The following PHF12 variants were observed in gnomAD, a reference collection of about 807,000 sequenced individuals.
PHF12 encodes the protein PHD finger protein 12.
A neutral mutation model predicts 99.8 loss-of-function variants in PHF12; 6 were observed. The observed-to-expected ratio is 0.06, with a 90% CI of 0.03 to 0.12. The LOEUF (loss-of-function observed/expected upper bound fraction) is 0.12. PHF12 is among the 10% of genes least tolerant of loss of function. The pLI is 1.00. For missense variants in PHF12, 954 were observed against 1,300.1 expected (o/e 0.73, Z 4.09); for synonymous variants, 480 against 514.9 (o/e 0.93, Z 0.92).
intron 13 of PHF12, 33 bp downstream of exon 13, chr17:28,907,557 A>G (rs191375479): frequency 5.0e-4 from 799 of 1,609,166 alleles, no homozygotes; most frequent in Admixed American, 1.4e-3. Context: ...TCAGGTTGGG[A>G]AAGCTCCCTC....
Position 28,906,634 on chromosome 17 carries a change from GA to G in PHF12, c.2681-118del. 7.8e-7 allele frequency: 1 copy of G among 1,286,010 alleles called. No homozygotes were observed. The highest frequency in any genetic ancestry group is 1.1e-6 in the Non-Finnish European group (1 of 938,854). The allele number at this position is 1,286,010 out of a possible 1,614,324, so 79.7% of individuals were successfully genotyped here. On this transcript the variant is annotated intron_variant, in intron 14 of 14. Transcript: ENST00000332830. This position sits in a 1 kb window ranked among gnomAD's most constrained non-coding sequence, Gnocchi z 4.2. ...TTCCAACTGCTGCATGACTAGGGAG[GA>G]AGGATGCTCAGAAAGGGTTGGTGGA...
Position 28,950,389 on chromosome 17 carries a change from C to T in PHF12, c.67-143G>A. 1.0e-6 allele frequency: 1 copy of T among 962,974 alleles called. No individual in the cohort carries two copies. Among genetic ancestry groups the T allele is most frequent in the Non-Finnish European group, 1.5e-6 (1 of 669,034 alleles). The allele number at this position is 962,974 out of a possible 1,614,324, so 59.7% of individuals were successfully genotyped here. A position where few individuals can be genotyped will look rare whatever the true frequency, so the allele number is the denominator to read the frequency against. The stretch of plus-strand genomic sequence containing the variant: ...CATCCAGGCTGCTCCCAGAATCTCT[C>T]AGCCCCCGGAACCAGGGGGAGCCCA... On this transcript the variant is annotated intron_variant, in intron 1 of 14. Coordinates refer to ENST00000332830, the MANE Select transcript of PHF12 (RefSeq NM_001033561.2). The surrounding 1 kb of genome is among the most constrained non-coding windows in gnomAD (Gnocchi z 5.7).
At chr17:28,907,227 C>A in intron 13 of PHF12, 1 of 545,698 alleles carries the variant, frequency 1.8e-6, no homozygotes, top group Non-Finnish European at 3.2e-6. Context: ...GCCCTCTCAG[C>A]ACCGCTCCTC....
At chr17:28,935,124 G>T (rs2040485791) in intron 2 of PHF12, among the ~76,000 whole-genome samples, 1 of 152,200 alleles carries the variant, frequency 6.6e-6, no homozygotes, top group African/African-American at 2.4e-5. Context: ...AGTGCCCTAT[G>T]AAGACAGAGC....
At chr17:28,941,892 C>T (rs1480305462) in intron 2 of PHF12, among the ~76,000 whole-genome samples, 2 of 152,184 alleles carry the variant, frequency 1.3e-5, no homozygotes, top group Non-Finnish European at 2.9e-5. Flanking sequence ...CAGGTGTGAG[C>T]CACTGCCCTC....
At chr17:28,925,176 G>C (rs1040540763) in intron 3 of PHF12, 3 of 152,200 alleles carry the variant, frequency 2.0e-5, no homozygotes, top group African/African-American at 7.2e-5. Flanking sequence ...CTCCAGGTAG[G>C]AGACCTGTGA....
chr17:28,928,600 G>A (rs930124770), intron 2 of PHF12, among the ~76,000 whole-genome samples: 2 of 152,028 alleles, frequency 1.3e-5, no homozygotes, highest in African/African-American at 2.4e-5. Flanking sequence ...TGGCTAACAC[G>A]GTGAAACCCC....
At chr17:28,910,510 C>T (rs1386531191) in intron 10 of PHF12, 141 bp from the exon 11 acceptor site, 7 of 1,057,416 alleles carry the variant, frequency 6.6e-6, no homozygotes, top group East Asian at 2.6e-5. Context: ...GAGTGCAGAG[C>T]GTACAAGGAT....
intron 11 of PHF12, 80 bp downstream of exon 11, chr17:28,910,146 T>C: frequency 6.3e-7 from 1 of 1,590,540 alleles, no homozygotes; most frequent in Non-Finnish European, 8.6e-7. Context: ...GAAGCTCAGA[T>C]TCTCCATGGA....
In PHF12 at chr17:28,917,267, C is replaced by A; in HGVS notation, c.1134+18G>T. The A allele has an allele frequency of 6.2e-7, 1 of 1,612,910 alleles. No homozygotes were observed. The highest frequency in any genetic ancestry group is 8.5e-7 in the Non-Finnish European group (1 of 1,180,004). ...GGCAGGCAGACTACCATCTTGCCTG[C>A]ACCTGATTGTGACTCACCTTCAAGC... On this transcript the variant is annotated intron_variant, in intron 7 of 14. Transcript: ENST00000332830.
chr17:28,934,674 G>A (rs1598152487), intron 2 of PHF12, among the ~76,000 whole-genome samples: 1 of 147,694 alleles, frequency 6.8e-6, no homozygotes, highest in African/African-American at 2.5e-5. Context: ...GCAATGGTGC[G>A]ATCTCTGCTC....
At chr17:28,907,520 AC>A in intron 13 of PHF12, 69 bp downstream of exon 13, 1 of 1,513,476 alleles carries the variant, frequency 6.6e-7, no homozygotes, top group Non-Finnish European at 9.2e-7. Context: ...AGGGCACTGA[AC>A]AAAAACCTAC....
chr17:28,950,368 C>T lies in PHF12; in HGVS notation c.67-122G>A. ...CCCTTTTGTCCTTCTTCCTCCCATC[C>T]AGGCTGCTCCCAGAATCTCTCAGCC... On this transcript the variant is annotated intron_variant, in intron 1 of 14. Coordinates refer to ENST00000332830, the MANE Select transcript of PHF12 (RefSeq NM_001033561.2). The surrounding 1 kb of genome is among the most constrained non-coding windows in gnomAD (Gnocchi z 5.7). 8.9e-7 allele frequency: 1 copy of T among 1,122,022 alleles called. No homozygotes were observed. The highest frequency in any genetic ancestry group is 2.8e-5 in the Admixed American group (1 of 36,228). 69.5% of individuals were successfully genotyped at this position (1,122,022 alleles called of 1,614,324 possible).
At chr17:28,940,420 G>A (rs1010532242) in intron 2 of PHF12, among the ~76,000 whole-genome samples, 1 of 152,178 alleles carries the variant, frequency 6.6e-6, no homozygotes, top group Non-Finnish European at 1.5e-5. Flanking sequence ...AGCAAGTCAA[G>A]TTTTTCATTA....
In PHF12 at chr17:28,951,455, G is replaced by C. The variant is rs1049386218; in HGVS notation, c.-495C>G. ...CTGCGTCCCGGCTGCCGCGCACTTG[G>C]CGCAAACTTACCGCGAGCGCCCGCA... On this transcript the variant is annotated 5_prime_UTR_variant, in exon 1 of 15. Transcript: ENST00000332830. 2.8e-5 allele frequency: 28 copies of C among 985,870 alleles called. No individual in the cohort carries two copies. Among genetic ancestry groups the C allele is most frequent in the Non-Finnish European group, 3.3e-5 (27 of 830,272 alleles). 61.1% of individuals were successfully genotyped at this position (985,870 alleles called of 1,614,324 possible). A position where few individuals can be genotyped will look rare whatever the true frequency, so the allele number is the denominator to read the frequency against.
chr17:28,906,530 G>A lies in PHF12; in HGVS notation c.2681-13C>T. 6.3e-7 allele frequency: 1 copy of A among 1,587,884 alleles called. No homozygotes were observed. ...TGCCGGCGGCGCCCTGGGAAAAAGG[G>A]GGATGGTCACAGAAGAGGAACAGTG... On this transcript the variant is annotated splice_polypyrimidine_tract_variant and intron_variant, in intron 14 of 14. Coordinates refer to ENST00000332830, the MANE Select transcript of PHF12 (RefSeq NM_001033561.2). The surrounding 1 kb of genome is among the most constrained non-coding windows in gnomAD (Gnocchi z 4.2).
chr17:28,916,389 T>G (rs890375050), intron 7 of PHF12, among the ~76,000 whole-genome samples: 1 of 152,160 alleles, frequency 6.6e-6, no homozygotes, highest in African/African-American at 2.4e-5. Flanking sequence ...AGAGACGGGG[T>G]TTCACCACGT....
At chr17:28,933,453 C>G (rs1275429292) in intron 2 of PHF12, among the ~76,000 whole-genome samples, 1 of 152,200 alleles carries the variant, frequency 6.6e-6, no homozygotes. Flanking sequence ...GAACCCAAAT[C>G]AAAGTTTCCT....
chr17:28,929,793 C>A (rs569835004), intron 2 of PHF12: 1 of 152,092 alleles, frequency 6.6e-6, no homozygotes, highest in South Asian at 2.1e-4. Flanking sequence ...ATCTCCAAGC[C>A]CTAGAGGACC....
Sources: gnomAD v4.1 joint callset for allele counts (sites outside exome capture counted in the v4.1 genomes callset) on GRCh38, gnomAD v4.1.1 for gene constraint, Gnocchi (gnomAD v3.1) non-coding constraint, MANE v1.5 for transcripts, NCBI Gene and HGNC (gene_info 2026-07-23, HGNC 2026-07-21) for gene names.